ADGRL3: variants seen among roughly 807,000 people sequenced by gnomAD.
ADGRL3 encodes the protein adhesion G protein-coupled receptor L3, also known as calcium-independent alpha-latrotoxin receptor 3.
ADGRL3 carries 62 observed loss-of-function variants against 153.5 expected under a neutral mutation model. The observed-to-expected ratio is 0.40, with a 90% CI of 0.33 to 0.50. The LOEUF (loss-of-function observed/expected upper bound fraction) is 0.50. Among genes scored for constraint, ADGRL3 ranks in the 20% least tolerant of loss-of-function variants. The probability of loss-of-function intolerance (pLI) is 0.47; values close to 1 mark genes in which losing one functional copy is unlikely to be tolerated. For missense variants in ADGRL3, 1,641 were observed against 1,859.4 expected (o/e 0.88, Z 2.16); for synonymous variants, 710 against 672.5 (o/e 1.06, Z -0.86).
intron 7 of ADGRL3, among the ~76,000 whole-genome samples, chr4:61,730,978 T>C (rs1306056750): frequency 1.3e-5 from 2 of 151,938 alleles, no homozygotes; most frequent in African/African-American, 4.8e-5. Flanking sequence ...GTTTCCCCAT[T>C]CCATTAATTT....
intron 3 of ADGRL3, among the ~76,000 whole-genome samples, chr4:61,497,869 A>G (rs1365336367): frequency 1.3e-5 from 2 of 152,010 alleles, no homozygotes; most frequent in African/African-American, 4.8e-5. Context: ...TTCCAGTTGC[A>G]TTTCTTAAAG....
intron 25 of ADGRL3, among the ~76,000 whole-genome samples, chr4:62,045,011 C>G (rs1730374503): frequency 1.3e-5 from 2 of 151,976 alleles, no homozygotes; most frequent in Non-Finnish European, 2.9e-5. Context: ...ATCTAAAAGA[C>G]TTATCTGGAT....
At chr4:61,554,164 C>T (rs1435470611) in intron 4 of ADGRL3, among the ~76,000 whole-genome samples, 1 of 98,038 alleles carries the variant, frequency 1.0e-5, no homozygotes. Flanking sequence ...TCTCTCCTAA[C>T]TTAGGTATTT....
intron 5 of ADGRL3, among the ~76,000 whole-genome samples, chr4:61,611,111 C>T (rs575984127): frequency 2.2e-4 from 33 of 152,200 alleles, no homozygotes; most frequent in Middle Eastern, 6.8e-3. Context: ...TGTCCATATG[C>T]GTTTTTCAGA....
chr4:61,715,203 A>G (rs1009963399), intron 6 of ADGRL3, among the ~76,000 whole-genome samples: 1 of 152,172 alleles, frequency 6.6e-6, no homozygotes, highest in African/African-American at 2.4e-5. Flanking sequence ...CTTCTTTCTT[A>G]CATTCGACTG....
At chr4:61,215,199 C>T (rs1401626376) in intron 1 of ADGRL3, among the ~76,000 whole-genome samples, 1 of 152,134 alleles carries the variant, frequency 6.6e-6, no homozygotes, top group Non-Finnish European at 1.5e-5. Flanking sequence ...ATTCTACTTT[C>T]AGTATCAATA....
At position 61,498,961 on chromosome 4, in the gene ADGRL3, G is replaced by A. The variant is rs1269024659; in HGVS notation, c.55+1613G>A. Among the ~76,000 whole-genome samples the A allele has an allele frequency of 3.3e-5, 5 of 152,106 alleles. No homozygotes were observed. In the East Asian group the frequency reaches 9.7e-4, roughly 29 times the overall value. ...CTCTCATATGTTGATGATAATTATAGCAAAGAAAAAAGGACACAGCTGTAT... is the reference window on the plus strand; with the variant it reads ...CTCTCATATGTTGATGATAATTATAACAAAGAAAAAAGGACACAGCTGTAT... On this transcript the variant is annotated intron_variant, in intron 3 of 26. Transcript: ENST00000683033.
intron 1 of ADGRL3, among the ~76,000 whole-genome samples, chr4:61,228,573 C>A (rs561949334): frequency 1.2e-4 from 19 of 152,206 alleles, no homozygotes; most frequent in East Asian, 7.7e-4. Context: ...ACTGAGAGGA[C>A]CTTTAAGAAG....
chr4:61,505,667 A>G (rs1276070240), intron 3 of ADGRL3, among the ~76,000 whole-genome samples: 1 of 151,940 alleles, frequency 6.6e-6, no homozygotes, highest in East Asian at 1.9e-4. Flanking sequence ...TGAGTCTTTC[A>G]TTTTACTTCT....
At chr4:61,722,813 G>A (rs986380874) in intron 6 of ADGRL3, among the ~76,000 whole-genome samples, 2 of 151,278 alleles carry the variant, frequency 1.3e-5, no homozygotes, top group Non-Finnish European at 2.9e-5. Flanking sequence ...CAATTATCTG[G>A]TTTCATTTTT....
chr4:61,922,816 C>G (rs545830268), intron 13 of ADGRL3, among the ~76,000 whole-genome samples: 16 of 152,088 alleles, frequency 1.1e-4, no homozygotes, highest in African/African-American at 3.9e-4. Context: ...CCTAGTTCAG[C>G]CTGGAGTTAT....
chr4:61,384,794 T>A (rs75004160), intron 2 of ADGRL3, among the ~76,000 whole-genome samples: 5,641 of 152,094 alleles, frequency 0.037, 139 homozygotes, highest in Non-Finnish European at 0.061. Context: ...GGGTGAAACT[T>A]GCAAACATTA....
At chr4:61,319,320 G>GA (rs1430312677) in intron 1 of ADGRL3, among the ~76,000 whole-genome samples, 1 of 152,126 alleles carries the variant, frequency 6.6e-6, no homozygotes, top group East Asian at 1.9e-4. Context: ...TAAGTAATTT[G>GA]AAAAATATCT....
chr4:61,939,184 G>A (rs186806345), intron 15 of ADGRL3, among the ~76,000 whole-genome samples: 1 of 152,238 alleles, frequency 6.6e-6, no homozygotes, highest in East Asian at 1.9e-4. Flanking sequence ...CATGACAGTT[G>A]AGTTTTAAGA....
chr4:61,325,731 A>G (rs1387807979), intron 1 of ADGRL3, among the ~76,000 whole-genome samples: 1 of 152,164 alleles, frequency 6.6e-6, no homozygotes, highest in Non-Finnish European at 1.5e-5. Context: ...CTTTTGTTAC[A>G]GAAGATATAA....
chr4:61,423,020 A>C (rs1301849582), intron 2 of ADGRL3, among the ~76,000 whole-genome samples: 1 of 152,168 alleles, frequency 6.6e-6, no homozygotes, highest in Non-Finnish European at 1.5e-5. Context: ...TGGAGCTGAG[A>C]GACCTAAGTG....
intron 1 of ADGRL3, among the ~76,000 whole-genome samples, chr4:61,252,793 T>G (rs1170249165): frequency 6.6e-6 from 1 of 152,032 alleles, no homozygotes; most frequent in Non-Finnish European, 1.5e-5. Flanking sequence ...AAAGGAAATA[T>G]ATTTACATCT....
At chr4:61,245,359 A>T (rs1395358169) in intron 1 of ADGRL3, among the ~76,000 whole-genome samples, 1 of 151,994 alleles carries the variant, frequency 6.6e-6, no homozygotes, top group African/African-American at 2.4e-5. Flanking sequence ...AATACATTTA[A>T]AAAATTTCTT....
intron 2 of ADGRL3, among the ~76,000 whole-genome samples, chr4:61,438,891 T>C (rs1001376233): frequency 3.9e-5 from 6 of 151,908 alleles, no homozygotes; most frequent in African/African-American, 1.5e-4. Flanking sequence ...GTATTTTTAG[T>C]AGAGACGGGG....
Sources: gnomAD v4.1 joint callset for allele counts (sites outside exome capture counted in the v4.1 genomes callset) on GRCh38, gnomAD v4.1.1 for gene constraint, MANE v1.5 for transcripts, NCBI Gene and HGNC (gene_info 2026-07-23, HGNC 2026-07-21) for gene names.